WNT4: variants seen among roughly 807,000 people sequenced by gnomAD.
The protein encoded by WNT4 is protein Wnt-4.
Under a neutral mutation model 34.5 loss-of-function variants are expected in WNT4, and 16 were observed. The observed-to-expected ratio is 0.46, with a 90% CI of 0.31 to 0.70. The LOEUF (loss-of-function observed/expected upper bound fraction) is 0.70, where lower values mean the gene tolerates loss of function less well. Among genes scored for constraint, WNT4 ranks in the 30% least tolerant of loss-of-function variants. The pLI is 0.04. For missense variants in WNT4, 379 were observed against 495.9 expected (o/e 0.76, Z 2.24); for synonymous variants, 200 against 211.9 (o/e 0.94, Z 0.49).
At position 22,119,988 on chromosome 1, in the gene WNT4, GT is replaced by G; in HGVS notation, c.*61del. On this transcript the variant is annotated 3_prime_UTR_variant, in exon 5 of 5. Coordinates refer to ENST00000290167, the MANE Select transcript of WNT4 (RefSeq NM_030761.5). ...CTCTTGGGGTAGGTGGTGGGAGACT[GT>G]TTAAATTATCGGCCTTCCCTGGGCC... 6.3e-7 allele frequency: 1 copy of G among 1,577,206 alleles called. No homozygotes were observed. The highest frequency in any genetic ancestry group is 8.6e-7 in the Non-Finnish European group (1 of 1,163,366).
rs1646072459 is a variant in WNT4, at chr1:22,142,074, C to T, written c.77+772G>A. On this transcript the variant is annotated intron_variant, in intron 1 of 4. Coordinates refer to ENST00000290167, the MANE Select transcript of WNT4 (RefSeq NM_030761.5). The surrounding 1 kb of genome is among the most constrained non-coding windows in gnomAD (Gnocchi z 6.0). Reference sequence around the variant, plus strand: ...TGGAGCTCATCCCTTTAGTCTCCCTCCCTGCAGCAAACCTTCCGCCCCTAC... The same window carrying T: ...TGGAGCTCATCCCTTTAGTCTCCCTTCCTGCAGCAAACCTTCCGCCCCTAC... 1.3e-5 allele frequency among the ~76,000 whole-genome samples: 2 copies of T among 152,214 alleles called. No homozygotes were observed. The highest frequency in any genetic ancestry group is 4.1e-4 in the South Asian group (2 of 4,836).
At chr1:22,133,784 G>GGCTGCAGGT (rs1398504599) in intron 1 of WNT4, among the ~76,000 whole-genome samples, 1 of 152,184 alleles carries the variant, frequency 6.6e-6, no homozygotes, top group African/African-American at 2.4e-5. Context: ...CTCCAACGGG[G>GGCTGCAGGT]GCTGCAGGTC....
At chr1:22,128,692 A>G (rs1272743947) in intron 2 of WNT4, among the ~76,000 whole-genome samples, 1 of 151,402 alleles carries the variant, frequency 6.6e-6, no homozygotes, top group African/African-American at 2.4e-5. Context: ...CCTGGGGTTG[A>G]GTCCCGGCTC....
chr1:22,120,184 G>T lies in WNT4; in HGVS notation c.922C>A (p.Leu308Met). The T allele has an allele frequency of 6.2e-7, 1 of 1,613,798 alleles. No homozygotes were observed. Among genetic ancestry groups the T allele is most frequent in the Non-Finnish European group, 8.5e-7 (1 of 1,179,950 alleles). ...KTSKAIDGCE[L>M]LCCGRGFHTA... Reference sequence around the variant, plus strand: ...TGGAAGCCGCGGCCACAGCACAGCAGCTCACAGCCGTCGATGGCCTTGGAC... The same window carrying T: ...TGGAAGCCGCGGCCACAGCACAGCATCTCACAGCCGTCGATGGCCTTGGAC... Residue 308 changes from leucine to methionine, a missense_variant, in exon 5 of 5, where the codon CTG (leucine) becomes ATG (methionine). This residue lies in a region of WNT4 where 313 missense variants were observed against 445.8 expected (regional missense o/e 0.70). Coordinates refer to ENST00000290167, the MANE Select transcript of WNT4 (RefSeq NM_030761.5).
rs1308875295 is a variant in WNT4 at position 22,139,755 on chromosome 1, A to T, written c.77+3091T>A. On this transcript the variant is annotated intron_variant, in intron 1 of 4. Transcript: ENST00000290167. The surrounding 1 kb of genome is among the most constrained non-coding windows in gnomAD (Gnocchi z 4.6). The stretch of plus-strand genomic sequence containing the variant: ...CTCCCGGTACAGCCTCAGTGCAGGG[A>T]AGAGGGGACATTAGAAACATTTCTG... 2.6e-5 allele frequency among the ~76,000 whole-genome samples: 4 copies of T among 152,120 alleles called. No individual in the cohort carries two copies. Among genetic ancestry groups the T allele is most frequent in the African/African-American group, 9.7e-5 (4 of 41,416 alleles).
intron 1 of WNT4, among the ~76,000 whole-genome samples, chr1:22,131,185 T>C (rs758285659): frequency 4.6e-5 from 7 of 152,356 alleles, no homozygotes; most frequent in Admixed American, 1.3e-4. Context: ...GCTGGGTTTG[T>C]TCAACCCAAA....
rs1018084325 is a variant in WNT4, at chr1:22,134,356, G to A, written c.78-4505C>T. Among the ~76,000 whole-genome samples, 1 of 152,168 alleles carries A rather than the reference G, an allele frequency of 6.6e-6. No individual in the cohort carries two copies. Among genetic ancestry groups the A allele is most frequent in the Non-Finnish European group, 1.5e-5 (1 of 68,030 alleles). The stretch of plus-strand genomic sequence containing the variant: ...GAAAGTGACCACAGTCCCCATCTAG[G>A]ACTGTGTTCTTAGGGGGATGGTACC... On this transcript the variant is annotated intron_variant, in intron 1 of 4. Transcript: ENST00000290167. The surrounding 1 kb of genome is among the most constrained non-coding windows in gnomAD (Gnocchi z 4.1).
In WNT4 at chr1:22,120,162, A is replaced by G. The variant is rs1334778982; in HGVS notation, c.944T>C (p.Phe315Ser). 4 of 1,613,610 alleles carry G rather than the reference A, an allele frequency of 2.5e-6. No homozygotes were observed. In the East Asian group the frequency reaches 8.9e-5, roughly 36 times the overall value. The change falls in exon 5 of 5, where the codon TTC becomes TCC. Residue 315 changes from phenylalanine (F) to serine (S), a missense_variant. Transcript: ENST00000290167. ...GCELLCCGRG[F>S]HTAQVELAER... is the part of the protein sequence containing the mutation. ...AGCCAGCTCCACCTGCGCCGTGTGG[A>G]AGCCGCGGCCACAGCACAGCAGCTC...
intron 1 of WNT4, among the ~76,000 whole-genome samples, chr1:22,133,280 C>T (rs568577930): frequency 6.6e-6 from 1 of 152,216 alleles, no homozygotes; most frequent in African/African-American, 2.4e-5. Context: ...CCTCTGCTTC[C>T]CTCCTGGCAG....
In WNT4 at chr1:22,134,187, T is replaced by C. The variant is rs1165765949; in HGVS notation, c.78-4336A>G. ...CCTCCCTTTGGCCTCCCTGCCTGCC[T>C]GGGCCACATTTAGAGCCTCCTCAGG... On this transcript the variant is annotated intron_variant, in intron 1 of 4. Transcript: ENST00000290167. The surrounding 1 kb of genome is among the most constrained non-coding windows in gnomAD (Gnocchi z 4.1). Among the ~76,000 whole-genome samples the C allele has an allele frequency of 6.6e-6, 1 of 152,162 alleles. No individual in the cohort carries two copies. The highest frequency in any genetic ancestry group is 1.5e-5 in the Non-Finnish European group (1 of 68,018).
intron 2 of WNT4, among the ~76,000 whole-genome samples, chr1:22,125,400 TCTCCCCATCA>T (rs1645932575): frequency 6.6e-6 from 1 of 151,970 alleles, no homozygotes; most frequent in Admixed American, 6.5e-5. Context: ...AAAATAATGT[TCTCCCCATCA>T]CTGGGTCCGG....
Position 22,119,705 on chromosome 1 carries a change from A to G in WNT4, c.*345T>C, listed in dbSNP as rs1645878211. On this transcript the variant is annotated 3_prime_UTR_variant, in exon 5 of 5. Coordinates refer to ENST00000290167, the MANE Select transcript of WNT4 (RefSeq NM_030761.5). ...TTCCCCGATGACACGGTCAGTAGCC[A>G]TGTGGTGGTAATACTCCTTGTTACT... 2.5e-6 allele frequency: 1 copy of G among 405,660 alleles called. No homozygotes were observed. Among genetic ancestry groups the G allele is most frequent in the Non-Finnish European group, 4.6e-6 (1 of 217,748 alleles). The allele number at this position is 405,660 out of a possible 1,614,324, so 25.1% of individuals were successfully genotyped here.
chr1:22,129,920 G>A, intron 1 of WNT4, 69 bp from the exon 2 acceptor site: 3 of 1,563,846 alleles, frequency 1.9e-6, no homozygotes, highest in Non-Finnish European at 2.6e-6. Context: ...CCAGGCCTGA[G>A]CTCCAGCCCG....
chr1:22,122,487 G>A (rs1380637066), intron 2 of WNT4, among the ~76,000 whole-genome samples: 4 of 152,120 alleles, frequency 2.6e-5, no homozygotes, highest in Non-Finnish European at 4.4e-5. Flanking sequence ...ACTGTGCCTC[G>A]GGGGTGTAGC....
At chr1:22,130,686 G>A (rs1276910699) in intron 1 of WNT4, among the ~76,000 whole-genome samples, 1 of 152,216 alleles carries the variant, frequency 6.6e-6, no homozygotes, top group Non-Finnish European at 1.5e-5. Context: ...AGTAAGAGAA[G>A]GGAACACCGG....
chr1:22,121,131 TG>T, intron 4 of WNT4, 79 bp downstream of exon 4: 1 of 1,545,228 alleles, frequency 6.5e-7, no homozygotes, highest in East Asian at 2.4e-5. Context: ...GTTTTCTGAG[TG>T]GCCGTGTGGG....
At chr1:22,121,153 T>TGG (rs67503051) in intron 4 of WNT4, 58 bp downstream of exon 4, 3 of 1,464,690 alleles carry the variant, frequency 2.0e-6, no homozygotes, top group African/African-American at 2.8e-5. Context: ...TGGGAGAGTC[T>TGG]GGGGCCCTGC....
At chr1:22,125,318 G>A (rs1476194715) in intron 2 of WNT4, among the ~76,000 whole-genome samples, 7 of 152,086 alleles carry the variant, frequency 4.6e-5, no homozygotes, top group Admixed American at 3.3e-4. Context: ...GGAATGTCTC[G>A]GGGGTAACCC....
chr1:22,122,128 T>C (rs768567610), intron 2 of WNT4, among the ~76,000 whole-genome samples: 4 of 152,208 alleles, frequency 2.6e-5, no homozygotes, highest in African/African-American at 4.8e-5. Flanking sequence ...TGTATGATCT[T>C]GCCCCTTCCT....
Sources: gnomAD v4.1 joint callset for allele counts (sites outside exome capture counted in the v4.1 genomes callset) on GRCh38, gnomAD v4.1.1 for gene constraint, gnomAD v4.1.1 regional missense constraint, Gnocchi (gnomAD v3.1) non-coding constraint, MANE v1.5 for transcripts, NCBI Gene and HGNC (gene_info 2026-07-23, HGNC 2026-07-21) for gene names.